The following PDGFRB variants were observed in gnomAD, a reference collection of about 807,000 sequenced individuals.
PDGFRB encodes platelet-derived growth factor receptor beta.
PDGFRB carries 42 observed loss-of-function variants against 120.2 expected under a neutral mutation model. The observed-to-expected ratio is 0.35, with a 90% confidence interval of 0.27 to 0.45. The LOEUF is 0.45. Ranked by LOEUF, PDGFRB falls within the 20% of genes least tolerant of loss-of-function variation. The probability of loss-of-function intolerance (pLI) is 1.00; values close to 1 mark genes in which losing one functional copy is unlikely to be tolerated. For missense variants in PDGFRB, 1,149 were observed against 1,476.3 expected, an observed-to-expected ratio of 0.78 and a Z score of 3.63; for synonymous variants, 586 against 606.8, an observed-to-expected ratio of 0.97 and a Z score of 0.50.
chr5:150,141,257 A>G (rs1760776211), intron 1 of PDGFRB, among the ~76,000 whole-genome samples: 1 of 152,268 alleles, frequency 6.6e-6, no homozygotes. Flanking sequence ...TGTATGCAGC[A>G]CATACAACAT....
At position 150,133,526 on chromosome 5, in the gene PDGFRB, G is replaced by A. The variant is rs1760534719; in HGVS notation, c.934+60C>T. 1.4e-5 allele frequency: 19 copies of A among 1,388,420 alleles called. No homozygotes were observed. The South Asian group carries it at 2.0e-4, about 15-fold the overall frequency. 86.0% of individuals were successfully genotyped at this position (1,388,420 alleles called of 1,614,324 possible). On this transcript the variant is annotated intron_variant, in intron 6 of 22. Coordinates refer to ENST00000261799, the MANE Select transcript of PDGFRB (RefSeq NM_002609.4). ...TCACCATCACTCTGCACCCAGCAAA[G>A]TGGGTGAGGGTGGGGAGCGTTGAAG...
chr5:150,151,787 G>C (rs1761083527), intron 1 of PDGFRB, among the ~76,000 whole-genome samples: 1 of 150,966 alleles, frequency 6.6e-6, no homozygotes, highest in Non-Finnish European at 1.5e-5. Context: ...ACTTGAGCTT[G>C]GGAAGCGGAG....
At chr5:150,130,844 G>C (rs1412803137) in intron 8 of PDGFRB, among the ~76,000 whole-genome samples, 182 bp from the exon 9 acceptor site, 26 of 152,080 alleles carry the variant, frequency 1.7e-4, no homozygotes. Flanking sequence ...TACTTCAAAG[G>C]GAACGCCTCA....
At position 150,117,718 on chromosome 5, in the gene PDGFRB, G is replaced by A. The variant is rs2113883827; in HGVS notation, c.3037C>T (p.Gln1013Ter). ...TAGTCGTTGTCACCCTCATTGGGCT[G>A]CACGGCAGTATAGAGGACGGAGCTG... is the stretch of plus-strand genomic sequence containing the variant. ...DTSSVLYTAVQPNEGDNDYII... is the reference protein window; with the variant it reads ...DTSSVLYTAV The change falls in exon 22 of 23, where the codon CAG becomes TAG. Residue 1013 changes from glutamine to a stop codon, truncating the protein, a stop_gained. Transcript: ENST00000261799. LOFTEE classifies it high-confidence loss of function. 6.2e-7 allele frequency: 1 copy of A among 1,613,396 alleles called. No homozygotes were observed.
chr5:150,138,601 T>C (rs1430329885), intron 1 of PDGFRB, among the ~76,000 whole-genome samples: 3 of 152,104 alleles, frequency 2.0e-5, no homozygotes, highest in Non-Finnish European at 4.4e-5. Flanking sequence ...CCTCGTTTCT[T>C]CCTCTCCCCT....
chr5:150,115,557 A>T lies in PDGFRB; in HGVS notation c.*206T>A. 1 of 428,540 alleles carries T rather than the reference A, an allele frequency of 2.3e-6. No homozygotes were observed. The highest frequency in any genetic ancestry group is 4.0e-6 in the Non-Finnish European group (1 of 247,268). The allele number at this position is 428,540 out of a possible 1,614,324, so 26.5% of individuals were successfully genotyped here. A position where few individuals can be genotyped will look rare whatever the true frequency, so the allele number is the denominator to read the frequency against. ...AGTCAGTTGGCCTCCCTGGAGGCAG[A>T]GGGCTGGTCACGGCCCCTGCAGTTT... On this transcript the variant is annotated 3_prime_UTR_variant, in exon 23 of 23. Transcript: ENST00000261799.
Position 150,117,756 on chromosome 5 carries a change from G to A in PDGFRB, c.2999C>T (p.Ser1000Phe), listed in dbSNP as rs772291902. 6.2e-7 allele frequency: 1 copy of A among 1,613,566 alleles called. No individual in the cohort carries two copies. The highest frequency in any genetic ancestry group is 1.1e-5 in the South Asian group (1 of 91,066). ...ARLPGFHGLR[S>F]PLDTSSVLYT... ...GAGGACGGAGCTGGTGTCCAGGGGA[G>A]ATCGGAGGCCATGGAACCCAGGCAA... The change falls in exon 22 of 23, where the codon TCT (serine) becomes TTT (phenylalanine). Residue 1000 changes from serine (S) to phenylalanine (F), a missense_variant. Coordinates refer to ENST00000261799, the MANE Select transcript of PDGFRB (RefSeq NM_002609.4).
At chr5:150,138,428 T>C (rs1237905018) in intron 1 of PDGFRB, among the ~76,000 whole-genome samples, 2 of 152,174 alleles carry the variant, frequency 1.3e-5, no homozygotes, top group Non-Finnish European at 2.9e-5. Context: ...GGTGAGTACC[T>C]CACCTACCAG....
intron 1 of PDGFRB, among the ~76,000 whole-genome samples, chr5:150,148,876 G>A (rs1030335440): frequency 6.6e-6 from 1 of 152,228 alleles, no homozygotes; most frequent in African/African-American, 2.4e-5. Flanking sequence ...CCAGGGAAAG[G>A]TATGGCCAGG....
At chr5:150,145,104 C>A (rs1026548056) in intron 1 of PDGFRB, among the ~76,000 whole-genome samples, 12 of 152,234 alleles carry the variant, frequency 7.9e-5, no homozygotes, top group Non-Finnish European at 1.6e-4. Flanking sequence ...AAAGCAAGGC[C>A]AACCCTTCCT....
Position 150,134,882 on chromosome 5 carries a change from C to T in PDGFRB, c.499G>A (p.Val167Ile), listed in dbSNP as rs144857517. ...VVTLHEKKGD[V>I]ALPVPYDHQR... ...TGATCATAGGGGACAGGCAGTGCAACGTCCCCTTTCTTCTCGTGCAGTGTC... is the reference window on the plus strand; with the variant it reads ...TGATCATAGGGGACAGGCAGTGCAATGTCCCCTTTCTTCTCGTGCAGTGTC... Residue 167 changes from valine (V) to isoleucine (I), a missense_variant, in exon 4 of 23, where the codon GTT becomes ATT. Physicochemically the swap from Val to Ile is conservative, Grantham distance 29. This residue lies in a region of PDGFRB where 879 missense variants were observed against 1,108.6 expected (regional missense o/e 0.79). Coordinates refer to ENST00000261799, the MANE Select transcript of PDGFRB (RefSeq NM_002609.4). 62 of 1,613,934 alleles carry T rather than the reference C, an allele frequency of 3.8e-5. No individual in the cohort carries two copies. The African/African-American group carries it at 5.6e-4, about 15-fold the overall frequency.
intron 1 of PDGFRB, among the ~76,000 whole-genome samples, chr5:150,155,020 C>T (rs958570433): frequency 2.0e-5 from 3 of 152,194 alleles, no homozygotes; most frequent in African/African-American, 7.2e-5. Flanking sequence ...TCCCCAGTCC[C>T]CTGCTTTCTG....
chr5:150,130,697 G>A (rs1334488904), intron 8 of PDGFRB, 35 bp from the exon 9 acceptor site: 2 of 1,607,694 alleles, frequency 1.2e-6, no homozygotes, highest in Non-Finnish European at 1.7e-6. Context: ...GGAGGCGGGA[G>A]GGTCAGGACA....
intron 2 of PDGFRB, 73 bp from the exon 3 acceptor site, chr5:150,135,951 A>C: frequency 9.5e-7 from 1 of 1,048,346 alleles, no homozygotes; most frequent in South Asian, 1.7e-5. Context: ...GCCTGCGAGG[A>C]GGCCACGTAT....
Position 150,134,801 on chromosome 5 carries a change from T to C in PDGFRB, c.580A>G (p.Ile194Val), listed in dbSNP as rs754682330. 7.4e-6 allele frequency: 12 copies of C among 1,614,050 alleles called. No individual in the cohort carries two copies. Among genetic ancestry groups the C allele is most frequent in the African/African-American group, 6.7e-5 (5 of 74,936 alleles). Residue 194 changes from isoleucine (I) to valine (V), a missense_variant, in exon 4 of 23, where the codon ATT (isoleucine) becomes GTT (valine). Ile to Val is a conservative substitution (Grantham distance 29). Around this residue, in one of 3 missense-constraint regions of PDGFRB, gnomAD observed 879 missense variants for 1,108.6 expected, o/e 0.79. Coordinates refer to ENST00000261799, the MANE Select transcript of PDGFRB (RefSeq NM_002609.4). Reference protein sequence around the residue: ...EDRSYICKTTIGDREVDSDAY... With the variant: ...EDRSYICKTTVGDREVDSDAY... ...TCAGAATCCACCTCCCTGTCCCCAA[T>C]GGTGGTTTTGCAGATGTAGCTTCTG...
intron 22 of PDGFRB, 87 bp downstream of exon 22, chr5:150,117,531 C>CGG (rs1759979734): frequency 1.7e-6 from 1 of 573,434 alleles, no homozygotes; most frequent in Non-Finnish European, 3.0e-6. Flanking sequence ...CCTGGCAGCG[C>CGG]GCGCGCGCGC....
chr5:150,139,435 G>A (rs1203177240), intron 1 of PDGFRB, among the ~76,000 whole-genome samples: 1 of 152,086 alleles, frequency 6.6e-6, no homozygotes, highest in Non-Finnish European at 1.5e-5. Flanking sequence ...CTGTCCCTAT[G>A]GTGAAGCTCT....
chr5:150,132,755 C>A lies in PDGFRB; in HGVS notation c.1122G>T (p.Glu374Asp). The change falls in exon 7 of 23, where the codon GAG (glutamate) becomes GAT (aspartate). Residue 374 changes from glutamate to aspartate, a missense_variant. Coordinates refer to ENST00000261799, the MANE Select transcript of PDGFRB (RefSeq NM_002609.4). This position sits in a 1 kb window ranked among gnomAD's most constrained non-coding sequence, Gnocchi z 5.0. ...TGGGAGAGCGAGCTGCTCACCGGGT[C>A]TCCGACACGTTGCGCGTGGACAGGG... ...EIALSTRNVS[E>D]TRYVSELTLV... 1 of 1,612,612 alleles carries A rather than the reference C, an allele frequency of 6.2e-7. No homozygotes were observed. The highest frequency in any genetic ancestry group is 1.1e-5 in the South Asian group (1 of 90,814).
At chr5:150,123,679 G>A (rs1760210206) in intron 14 of PDGFRB, among the ~76,000 whole-genome samples, 1 of 152,212 alleles carries the variant, frequency 6.6e-6, no homozygotes, top group African/African-American at 2.4e-5. Context: ...ATGTTGAAAT[G>A]AGCGATCATT....
Sources: gnomAD v4.1 joint callset for allele counts (sites outside exome capture counted in the v4.1 genomes callset) on GRCh38, gnomAD v4.1.1 for gene constraint, gnomAD v4.1.1 regional missense constraint, Gnocchi (gnomAD v3.1) non-coding constraint, MANE v1.5 for transcripts, NCBI Gene and HGNC (gene_info 2026-07-23, HGNC 2026-07-21) for gene names.